ADAP1: variants seen among roughly 807,000 people sequenced by gnomAD.
ADAP1 encodes arf-GAP with dual PH domain-containing protein 1.
Under a neutral mutation model 54.9 loss-of-function variants are expected in ADAP1, and 31 were observed. The ratio of observed to expected loss-of-function variants is 0.56; its 90% CI spans 0.42 to 0.76. ADAP1 has a LOEUF of 0.76. ADAP1 is among the 30% of genes least tolerant of loss of function. ADAP1 has a pLI of 0.00. For synonymous variants in ADAP1, 313 were observed against 202.6 expected, an observed-to-expected ratio of 1.55 and a Z score of -4.63; for missense variants, 535 against 512.4, an observed-to-expected ratio of 1.04 and a Z score of -0.42.
At chr7:925,057 T>G (rs942606023) in intron 3 of ADAP1, among the ~76,000 whole-genome samples, 12 of 151,866 alleles carry the variant, frequency 7.9e-5, no homozygotes, top group Non-Finnish European at 1.8e-4. Flanking sequence ...AGCCTCGGCC[T>G]TCTCAGTGGC....
intron 4 of ADAP1, among the ~76,000 whole-genome samples, chr7:906,727 A>AG (rs1845440047): frequency 1.4e-4 from 2 of 14,606 alleles, no homozygotes; most frequent in Admixed American, 6.9e-4. Context: ...CGGGGACGGG[A>AG]CATGGGGGAC....
At chr7:925,097 C>T (rs79536583) in intron 3 of ADAP1, among the ~76,000 whole-genome samples, 3,315 of 152,136 alleles carry the variant, frequency 0.022, 92 homozygotes, top group East Asian at 0.12. Context: ...GACCTGTCTC[C>T]AGGCTCACGG....
intron 5 of ADAP1, among the ~76,000 whole-genome samples, 172 bp downstream of exon 5, chr7:904,888 T>A (rs1192059757): frequency 6.6e-6 from 1 of 152,098 alleles, no homozygotes; most frequent in East Asian, 1.9e-4. Context: ...GGACGCTGGG[T>A]CCGGCACACA....
In ADAP1 at chr7:926,999, C is replaced by T. The variant is rs983090074; in HGVS notation, c.214-355G>A. 1.6e-6 allele frequency: 2 copies of T among 1,261,394 alleles called. No individual in the cohort carries two copies. The highest frequency in any genetic ancestry group is 2.0e-6 in the Non-Finnish European group (2 of 977,034). 78.1% of individuals were successfully genotyped at this position (1,261,394 alleles called of 1,614,324 possible). ...GAGAGAGCTGGCTGCATCCTGTGAC[C>T]CCCATCTCTGCCCCAGAGAGCGAGG... On this transcript the variant is annotated intron_variant, in intron 2 of 10. Coordinates refer to ENST00000265846, the MANE Select transcript of ADAP1 (RefSeq NM_006869.4). The surrounding 1 kb of genome is among the most constrained non-coding windows in gnomAD (Gnocchi z 4.6).
intron 8 of ADAP1, 66 bp from the exon 9 acceptor site, chr7:899,556 A>C (rs1844678288): frequency 6.5e-7 from 1 of 1,549,440 alleles, no homozygotes; most frequent in Non-Finnish European, 8.7e-7. Flanking sequence ...AGCTGACCAC[A>C]GCACACCCCG....
At position 926,480 on chromosome 7, in the gene ADAP1, C is replaced by T. The variant is rs760331828; in HGVS notation, c.305+73G>A. On this transcript the variant is annotated intron_variant, in intron 3 of 10. Coordinates refer to ENST00000265846, the MANE Select transcript of ADAP1 (RefSeq NM_006869.4). The surrounding 1 kb of genome is among the most constrained non-coding windows in gnomAD (Gnocchi z 4.6). The stretch of plus-strand genomic sequence containing the variant: ...GGCGGCACCCAACTCCCCACCCTGC[C>T]GGGTCCTCCCGGGGCCATCTCGGAG... The T allele has an allele frequency of 3.1e-5, 42 of 1,345,154 alleles. No individual in the cohort carries two copies. Among genetic ancestry groups the T allele is most frequent in the Admixed American group, 6.4e-5 (2 of 31,426 alleles). 83.3% of individuals were successfully genotyped at this position (1,345,154 alleles called of 1,614,324 possible). A position where few individuals can be genotyped will look rare whatever the true frequency, so the allele number is the denominator to read the frequency against.
chr7:954,430 C>G lies in ADAP1; in HGVS notation c.48G>C (p.Pro16=). ...RRAVLELLQR[P]GNARCADCGA... ...CGCAGTCCGCGCAGCGCGCGTTCCC[C>G]GGCCGCTGCAGCAGCTCCAGGACCG... The change falls in exon 1 of 11, where the codon CCG becomes CCC. Residue 16 remains proline (P), a synonymous_variant. Transcript: ENST00000265846. The G allele has an allele frequency of 8.8e-7, 1 of 1,140,104 alleles. No individual in the cohort carries two copies. The highest frequency in any genetic ancestry group is 1.1e-6 in the Non-Finnish European group (1 of 917,512). The allele number at this position is 1,140,104 out of a possible 1,614,324, so 70.6% of individuals were successfully genotyped here.
chr7:949,823 G>A (rs1463436431), intron 1 of ADAP1, among the ~76,000 whole-genome samples: 1 of 152,262 alleles, frequency 6.6e-6, no homozygotes, highest in Non-Finnish European at 1.5e-5. Flanking sequence ...GGCAGGAAGC[G>A]GGCACGTGTG....
At chr7:906,775 CAGGGGA>C (rs1845462347) in intron 4 of ADAP1, among the ~76,000 whole-genome samples, 1 of 11,876 alleles carries the variant, frequency 8.4e-5, no homozygotes, top group East Asian at 1.4e-3. Context: ...ACATGGGGGA[CAGGGGA>C]CACGGGGGAC....
At chr7:912,952 C>T (rs1845783547) in intron 4 of ADAP1, among the ~76,000 whole-genome samples, 1 of 152,128 alleles carries the variant, frequency 6.6e-6, no homozygotes, top group Admixed American at 6.5e-5. Flanking sequence ...GGGCTCAGAC[C>T]ATCCTCCCAC....
chr7:930,223 C>A (rs1846525997), intron 2 of ADAP1, among the ~76,000 whole-genome samples: 1 of 150,434 alleles, frequency 6.6e-6, no homozygotes, highest in Non-Finnish European at 1.5e-5. Context: ...TAAAAATTTC[C>A]ACGGCAAAAA....
At chr7:919,097 G>A (rs1031070145) in intron 4 of ADAP1, among the ~76,000 whole-genome samples, 5 of 152,182 alleles carry the variant, frequency 3.3e-5, no homozygotes, top group African/African-American at 4.8e-5. Flanking sequence ...GCCAGCCCAC[G>A]AAGCTCCAAG....
chr7:922,302 T>C (rs188787349), intron 3 of ADAP1, among the ~76,000 whole-genome samples: 3,391 of 152,166 alleles, frequency 0.022, 98 homozygotes, highest in East Asian at 0.13. Flanking sequence ...CAAGGACCCC[T>C]AGGCCACCCC....
chr7:940,342 A>T (rs978273625), intron 1 of ADAP1, among the ~76,000 whole-genome samples: 2 of 145,014 alleles, frequency 1.4e-5, no homozygotes, highest in Non-Finnish European at 3.1e-5. Flanking sequence ...ACACACACAC[A>T]CACACACACA....
At position 946,989 on chromosome 7, in the gene ADAP1, T is replaced by C. The variant is rs941625792; in HGVS notation, c.82+7407A>G. Among the ~76,000 whole-genome samples, 13 of 152,168 alleles carry C rather than the reference T, an allele frequency of 8.5e-5. No individual in the cohort carries two copies. Among genetic ancestry groups the C allele is most frequent in the African/African-American group, 3.1e-4 (13 of 41,434 alleles). ...ACTCCATCCTTATGAAAAAATTTTC[T>C]ATAAAAGGTTAATTTTTCATATGAA... On this transcript the variant is annotated intron_variant, in intron 1 of 10. Transcript: ENST00000265846. The surrounding 1 kb of genome is among the most constrained non-coding windows in gnomAD (Gnocchi z 4.3).
Position 905,300 on chromosome 7 carries a change from G to GGGGGAGACGGAC in ADAP1, c.389-140_389-129dup, listed in dbSNP as rs1269428183. ...GGGACACGGACGGGGGACACGGACAGGGGGAGACGGACGGGGAGAGGGGAC... is the reference window on the plus strand; with the variant it reads ...GGGACACGGACGGGGGACACGGACAGGGGGAGACGGACGGGGAGACGGACGGGGAGAGGGGAC... On this transcript the variant is annotated intron_variant, in intron 4 of 10. Transcript: ENST00000265846. The GGGGGAGACGGAC allele has an allele frequency of 4.7e-5, 14 of 296,262 alleles. 1 individual carries two copies. The highest frequency in any genetic ancestry group is 2.8e-4 in the Admixed American group (6 of 21,194). The allele number at this position is 296,262 out of a possible 1,614,324, so 18.4% of individuals were successfully genotyped here.
At chr7:906,678 C>CGGGGG in intron 4 of ADAP1, among the ~76,000 whole-genome samples, 1 of 69,880 alleles carries the variant, frequency 1.4e-5, no homozygotes, top group Admixed American at 1.5e-4. Flanking sequence ...GGGACATGGA[C>CGGGGG]AGGGGACACG....
intron 7 of ADAP1, 61 bp from the exon 8 acceptor site, chr7:900,225 T>G: frequency 6.3e-7 from 1 of 1,597,196 alleles, no homozygotes; most frequent in Non-Finnish European, 8.6e-7. Context: ...AGCCCCTCCC[T>G]GGCTGTGCCC....
chr7:925,412 C>A (rs1370495008), intron 3 of ADAP1, among the ~76,000 whole-genome samples: 1 of 151,282 alleles, frequency 6.6e-6, no homozygotes, highest in Admixed American at 6.6e-5. Context: ...GGGTTGCAGC[C>A]GGGAAGTCCG....
Sources: gnomAD v4.1 joint callset for allele counts (sites outside exome capture counted in the v4.1 genomes callset) on GRCh38, gnomAD v4.1.1 for gene constraint, Gnocchi (gnomAD v3.1) non-coding constraint, MANE v1.5 for transcripts, NCBI Gene and HGNC (gene_info 2026-07-23, HGNC 2026-07-21) for gene names.